IRAK3: variants seen among roughly 807,000 people sequenced by gnomAD.
IRAK3 encodes the protein interleukin-1 receptor-associated kinase 3.
Under a neutral mutation model 56.6 loss-of-function variants are expected in IRAK3, and 57 were observed. The observed-to-expected ratio is 1.01, with a 90% CI of 0.81 to 1.26. The LOEUF (loss-of-function observed/expected upper bound fraction) is 1.26. IRAK3 is among the 50% of genes most tolerant of loss of function. The pLI is 0.00. For synonymous variants in IRAK3, 258 were observed against 255.7 expected, an observed-to-expected ratio of 1.01 and a Z score of -0.09; for missense variants, 703 against 719.0, an observed-to-expected ratio of 0.98 and a Z score of 0.25.
At chr12:66,222,315 G>A (rs538876538) in intron 6 of IRAK3, among the ~76,000 whole-genome samples, 4 of 151,820 alleles carry the variant, frequency 2.6e-5, no homozygotes, top group South Asian at 2.1e-4. Flanking sequence ...ACTTTTCTTC[G>A]TTGGGAGGTT....
intron 8 of IRAK3, among the ~76,000 whole-genome samples, chr12:66,240,351 CACCA>C (rs1399687212): frequency 2.0e-5 from 3 of 152,152 alleles, no homozygotes; most frequent in Non-Finnish European, 2.9e-5. Flanking sequence ...ACTCAGAAGG[CACCA>C]ACAAGCAAAA....
At position 66,209,478 on chromosome 12, in the gene IRAK3, G is replaced by A; in HGVS notation, c.339G>A (p.Glu113=). 6.2e-7 allele frequency: 1 copy of A among 1,607,472 alleles called. No homozygotes were observed. ...CAGGAGCAGTGTTGAGTCCTTCAGA[G>A]AAGAGTTATCAGGAAGGTGGATTTC... ...TNYGAVLSPS[E]KSYQEGGFPN... The change falls in exon 3 of 12, where the codon GAG becomes GAA. Residue 113 remains glutamate (E), a synonymous_variant. Coordinates refer to ENST00000261233, the MANE Select transcript of IRAK3 (RefSeq NM_007199.3).
At chr12:66,197,609 C>T in intron 1 of IRAK3, 8 of 985,400 alleles carry the variant, frequency 8.1e-6, no homozygotes, top group Non-Finnish European at 9.6e-6. Flanking sequence ...TCCATGCATG[C>T]AGGCAGTATT....
intron 8 of IRAK3, chr12:66,235,378 G>T (rs1592598939): frequency 9.9e-7 from 1 of 1,009,846 alleles, no homozygotes; most frequent in Non-Finnish European, 1.2e-6. Flanking sequence ...GAGGGGGCCG[G>T]CCGGGCCCCG....
At chr12:66,206,428 A>G (rs2052558831) in intron 2 of IRAK3, among the ~76,000 whole-genome samples, 2 of 152,166 alleles carry the variant, frequency 1.3e-5, no homozygotes, top group Non-Finnish European at 2.9e-5. Context: ...GGCTTTTATC[A>G]TGATAGGGTG....
chr12:66,234,217 C>T, intron 8 of IRAK3: 1 of 1,613,940 alleles, frequency 6.2e-7, no homozygotes, highest in Non-Finnish European at 8.5e-7. Context: ...GCATAGCTGA[C>T]GTTGCAGGCA....
At chr12:66,222,873 A>G (rs1417188163) in intron 6 of IRAK3, among the ~76,000 whole-genome samples, 1 of 152,194 alleles carries the variant, frequency 6.6e-6, no homozygotes, top group Non-Finnish European at 1.5e-5. Flanking sequence ...ACCACCACAC[A>G]GGCTTTGTGT....
intron 5 of IRAK3, among the ~76,000 whole-genome samples, chr12:66,213,621 AATG>A (rs752948392): frequency 1.3e-5 from 2 of 152,160 alleles, no homozygotes; most frequent in Non-Finnish European, 2.9e-5. Context: ...CTACGGTAAT[AATG>A]ATATGTCAAC....
chr12:66,244,197 T>C (rs1038218318), intron 8 of IRAK3, among the ~76,000 whole-genome samples: 5 of 152,224 alleles, frequency 3.3e-5, no homozygotes, highest in South Asian at 2.1e-4. Context: ...CTTCAGTTTC[T>C]CTTAGTGAGA....
rs1031090427 is a variant in IRAK3, at chr12:66,251,120, T to A, written c.*2949T>A. ...CTAGAAAGATTGTTGACCAATCATC[T>A]TATTGACTAGACCATCTTTCTAGAG... is the stretch of plus-strand genomic sequence containing the variant. On this transcript the variant is annotated 3_prime_UTR_variant, in exon 12 of 12. Coordinates refer to ENST00000261233, the MANE Select transcript of IRAK3 (RefSeq NM_007199.3). 1.3e-5 allele frequency: 2 copies of A among 152,232 alleles called. No homozygotes were observed. Among genetic ancestry groups the A allele is most frequent in the Non-Finnish European group, 2.9e-5 (2 of 68,036 alleles). The allele number at this position is 152,232 out of a possible 1,614,324, so 9.4% of individuals were successfully genotyped here.
At chr12:66,198,132 A>G (rs1181918709) in intron 1 of IRAK3, 2 of 982,138 alleles carry the variant, frequency 2.0e-6, no homozygotes, top group Non-Finnish European at 2.4e-6. Context: ...TGCATCTTCC[A>G]AAAGGTAAAG....
chr12:66,241,602 CT>C (rs1345419351), intron 8 of IRAK3, among the ~76,000 whole-genome samples: 1 of 152,206 alleles, frequency 6.6e-6, no homozygotes, highest in Non-Finnish European at 1.5e-5. Flanking sequence ...ACAGAACATC[CT>C]TCTTCCTCAG....
intron 6 of IRAK3, among the ~76,000 whole-genome samples, chr12:66,219,861 A>C (rs186141865): frequency 8.5e-5 from 13 of 152,126 alleles, no homozygotes; most frequent in Non-Finnish European, 1.9e-4. Context: ...TTGAAAAACT[A>C]TCTCTTTGGG....
chr12:66,201,532 A>G (rs1204902500), intron 1 of IRAK3, among the ~76,000 whole-genome samples: 1 of 152,224 alleles, frequency 6.6e-6, no homozygotes, highest in Non-Finnish European at 1.5e-5. Context: ...GAATATTATC[A>G]TAGGAACAAG....
chr12:66,224,816 A>C (rs2052769149), intron 6 of IRAK3, among the ~76,000 whole-genome samples: 1 of 152,218 alleles, frequency 6.6e-6, no homozygotes, highest in African/African-American at 2.4e-5. Flanking sequence ...AAATCTGTTT[A>C]CCACACCATG....
rs2136958663 is a variant in IRAK3, at chr12:66,251,694, T to G, written c.*3523T>G. 1 of 152,338 alleles carries G rather than the reference T, an allele frequency of 6.6e-6. No homozygotes were observed. Among genetic ancestry groups the G allele is most frequent in the South Asian group, 2.1e-4 (1 of 4,826 alleles). 9.4% of individuals were successfully genotyped at this position (152,338 alleles called of 1,614,324 possible). A position where few individuals can be genotyped will look rare whatever the true frequency, so the allele number is the denominator to read the frequency against. Reference sequence around the variant, plus strand: ...AGTTTTATAGGGTGGCACATCACCCTGTGTAAAACAACTTTAATGACCTGA... The same window carrying G: ...AGTTTTATAGGGTGGCACATCACCCGGTGTAAAACAACTTTAATGACCTGA... On this transcript the variant is annotated 3_prime_UTR_variant, in exon 12 of 12. Coordinates refer to ENST00000261233, the MANE Select transcript of IRAK3 (RefSeq NM_007199.3).
At chr12:66,243,950 A>G (rs1228186080) in intron 8 of IRAK3, among the ~76,000 whole-genome samples, 5 of 152,310 alleles carry the variant, frequency 3.3e-5, no homozygotes, top group Non-Finnish European at 4.4e-5. Context: ...AAACATTTGT[A>G]TTTTAAATAA....
intron 8 of IRAK3, among the ~76,000 whole-genome samples, chr12:66,230,718 A>G (rs538367778): frequency 6.0e-4 from 92 of 152,168 alleles, no homozygotes; most frequent in African/African-American, 2.2e-3. Flanking sequence ...GTGTGGAGTC[A>G]TGGTGGGAGA....
intron 6 of IRAK3, among the ~76,000 whole-genome samples, chr12:66,219,935 A>G (rs1345488451): frequency 6.6e-6 from 1 of 152,082 alleles, no homozygotes; most frequent in Non-Finnish European, 1.5e-5. Flanking sequence ...GTTCCTCACT[A>G]TTTTGTATCT....
Sources: gnomAD v4.1 joint callset for allele counts (sites outside exome capture counted in the v4.1 genomes callset) on GRCh38, gnomAD v4.1.1 for gene constraint, MANE v1.5 for transcripts, NCBI Gene and HGNC (gene_info 2026-07-23, HGNC 2026-07-21) for gene names.